The following DCDC2C variants were observed in gnomAD, a reference collection of about 807,000 sequenced individuals.
The protein encoded by DCDC2C is doublecortin domain-containing protein 2C.
A neutral mutation model predicts 45.0 loss-of-function variants in DCDC2C; 44 were observed. The observed-to-expected ratio is 0.98, with a 90% CI of 0.77 to 1.26. DCDC2C has a LOEUF of 1.26. Ranked by LOEUF, DCDC2C falls within the 50% of genes most tolerant of loss-of-function variation. The probability of loss-of-function intolerance (pLI) is 0.00; values close to 1 mark genes in which losing one functional copy is unlikely to be tolerated. For missense variants in DCDC2C, 447 were observed against 468.9 expected (o/e 0.95, Z 0.43); for synonymous variants, 187 against 178.8 (o/e 1.05, Z -0.37).
At chr2:3,728,809 G>A (rs762545515) in intron 3 of DCDC2C, among the ~76,000 whole-genome samples, 2 of 152,250 alleles carry the variant, frequency 1.3e-5, no homozygotes, top group African/African-American at 4.8e-5. Context: ...AGGAGAGTTG[G>A]CGAGGGAGTG....
At chr2:3,792,097 A>G (rs575429599) in intron 10 of DCDC2C, among the ~76,000 whole-genome samples, 88 of 152,340 alleles carry the variant, frequency 5.8e-4, no homozygotes, top group African/African-American at 2.0e-3. Flanking sequence ...TGACATAGAC[A>G]AAGAACAGTG....
In DCDC2C at chr2:3,783,973, T is replaced by C. The variant is rs1670581416; in HGVS notation, c.1024-1086T>C. Among the ~76,000 whole-genome samples the C allele has an allele frequency of 2.6e-5, 4 of 152,112 alleles. No individual in the cohort carries two copies. In the South Asian group the frequency reaches 8.3e-4, roughly 32 times the overall value. On this transcript the variant is annotated intron_variant, in intron 9 of 10. Transcript: ENST00000399143. ...CAAATTTTCTTGATTTACACAAGTC[T>C]CATAAATCATTAACACAAAGCCCAA...
At chr2:3,710,505 A>C (rs1558557604) in intron 2 of DCDC2C, among the ~76,000 whole-genome samples, 1 of 151,884 alleles carries the variant, frequency 6.6e-6, no homozygotes, top group Non-Finnish European at 1.5e-5. Context: ...ATGGCTTCCA[A>C]CTCCATCCAT....
At chr2:3,763,623 C>G (rs1203094555) in intron 6 of DCDC2C, among the ~76,000 whole-genome samples, 5 of 152,172 alleles carry the variant, frequency 3.3e-5, no homozygotes, top group African/African-American at 9.7e-5. Context: ...TTTCTTCTCT[C>G]CCTGGAATAT....
In DCDC2C at chr2:3,771,951, C is replaced by G. The variant is rs189212922; in HGVS notation, c.954+2540C>G. ...TAATATTATGCCTTCATGGTGCTGACTTCTTTAGTAATCTGGAATACTGTC... is the reference window on the plus strand; with the variant it reads ...TAATATTATGCCTTCATGGTGCTGAGTTCTTTAGTAATCTGGAATACTGTC... On this transcript the variant is annotated intron_variant, in intron 8 of 10. Transcript: ENST00000399143. 9.2e-5 allele frequency among the ~76,000 whole-genome samples: 14 copies of G among 152,336 alleles called. No homozygotes were observed. The East Asian group carries it at 2.5e-3, about 27-fold the overall frequency.
At chr2:3,839,211 C>T (rs554186591) in intron 10 of DCDC2C, among the ~76,000 whole-genome samples, 2 of 152,194 alleles carry the variant, frequency 1.3e-5, no homozygotes, top group East Asian at 3.9e-4. Context: ...ACGTTCTAAC[C>T]CACAGAGAAA....
At chr2:3,774,742 T>C (rs1010454021) in intron 8 of DCDC2C, among the ~76,000 whole-genome samples, 2 of 151,812 alleles carry the variant, frequency 1.3e-5, no homozygotes, top group African/African-American at 4.8e-5. Flanking sequence ...AATGTATGAA[T>C]AGTATTTGAA....
intron 9 of DCDC2C, among the ~76,000 whole-genome samples, chr2:3,780,666 A>T (rs1299765656): frequency 1.3e-5 from 2 of 152,220 alleles, no homozygotes. Flanking sequence ...AAACGAAGGC[A>T]TCCCGAGCTT....
rs1442085931 is a variant in DCDC2C at position 3,847,714 on chromosome 2, T to C, written c.*531T>C. 6.6e-6 allele frequency among the ~76,000 whole-genome samples: 1 copy of C among 152,200 alleles called. No individual in the cohort carries two copies. The highest frequency in any genetic ancestry group is 1.5e-5 in the Non-Finnish European group (1 of 68,026). ...GTCCTCACTCAAATCTCATGTCGAA[T>C]TGTAATCCCCATGTGTTGGAGGAGG... On this transcript the variant is annotated 3_prime_UTR_variant, in exon 11 of 11. Coordinates refer to ENST00000399143, the MANE Select transcript of DCDC2C (RefSeq NM_001287444.2).
chr2:3,707,042 C>T (rs1385198376), intron 1 of DCDC2C, among the ~76,000 whole-genome samples: 1 of 152,124 alleles, frequency 6.6e-6, no homozygotes, highest in Non-Finnish European at 1.5e-5. Flanking sequence ...CTGGAAGTAG[C>T]CGGGAGGGAG....
chr2:3,793,406 C>G (rs1029432827), intron 10 of DCDC2C, among the ~76,000 whole-genome samples: 3 of 152,232 alleles, frequency 2.0e-5, no homozygotes, highest in African/African-American at 7.2e-5. Context: ...GACTTTGTCA[C>G]TGCTGTCCAA....
At chr2:3,731,464 G>C (rs540044533) in intron 3 of DCDC2C, among the ~76,000 whole-genome samples, 1 of 152,216 alleles carries the variant, frequency 6.6e-6, no homozygotes, top group Non-Finnish European at 1.5e-5. Context: ...GCATAATTGG[G>C]TTGGTCATTG....
intron 8 of DCDC2C, among the ~76,000 whole-genome samples, chr2:3,778,264 G>A (rs1318254864): frequency 1.3e-5 from 2 of 152,222 alleles, no homozygotes; most frequent in Non-Finnish European, 1.5e-5. Context: ...AGCCTGTCCT[G>A]ACTGCTACAG....
intron 10 of DCDC2C, among the ~76,000 whole-genome samples, chr2:3,802,361 G>A (rs10164826): frequency 6.6e-6 from 1 of 152,116 alleles, no homozygotes; most frequent in Non-Finnish European, 1.5e-5. Context: ...CTCTTGCTCA[G>A]CATTCCAGGT....
intron 10 of DCDC2C, among the ~76,000 whole-genome samples, chr2:3,798,087 G>T (rs1337186593): frequency 6.6e-6 from 1 of 151,974 alleles, no homozygotes; most frequent in African/African-American, 2.4e-5. Context: ...AGGATAGTTA[G>T]CTCTTCTTGT....
chr2:3,830,477 AG>A (rs1488043599), intron 10 of DCDC2C, among the ~76,000 whole-genome samples: 2 of 152,132 alleles, frequency 1.3e-5, no homozygotes, highest in Non-Finnish European at 2.9e-5. Flanking sequence ...GGCCCATTGC[AG>A]GGGCCCCATG....
At chr2:3,784,921 C>G (rs770205121) in intron 9 of DCDC2C, 138 bp from the exon 10 acceptor site, 2 of 511,678 alleles carry the variant, frequency 3.9e-6, no homozygotes, top group Non-Finnish European at 6.0e-6. Flanking sequence ...TGAGGCTTTA[C>G]GCCAAGCTCC....
chr2:3,827,434 G>A (rs1052546336), intron 10 of DCDC2C, among the ~76,000 whole-genome samples: 2 of 152,126 alleles, frequency 1.3e-5, no homozygotes, highest in Admixed American at 1.3e-4. Context: ...TCTCTGGGTG[G>A]TGATCTTCAT....
At chr2:3,813,069 T>TATATATA (rs1558238816) in intron 10 of DCDC2C, among the ~76,000 whole-genome samples, 12 of 54,920 alleles carry the variant, frequency 2.2e-4, no homozygotes, top group Non-Finnish European at 3.9e-4. Flanking sequence ...ATATATATAT[T>TATATATA]TTTTTTTTTT....
Sources: gnomAD v4.1 joint callset for allele counts (sites outside exome capture counted in the v4.1 genomes callset) on GRCh38, gnomAD v4.1.1 for gene constraint, MANE v1.5 for transcripts, NCBI Gene and HGNC (gene_info 2026-07-23, HGNC 2026-07-21) for gene names.